Variants in SERPINB10 observed in about 807,000 individuals in gnomAD.
SERPINB10 encodes the protein serpin B10.
Under a neutral mutation model 39.1 loss-of-function variants are expected in SERPINB10, and 35 were observed. The ratio of observed to expected loss-of-function variants is 0.90; its 90% CI spans 0.68 to 1.19. The LOEUF is 1.19. Ranked by LOEUF, SERPINB10 falls within the 50% of genes most tolerant of loss-of-function variation. The pLI is 0.00. For synonymous variants in SERPINB10, 190 were observed against 158.1 expected (o/e 1.20, Z -1.52); for missense variants, 546 against 460.5 (o/e 1.19, Z -1.70).
At chr18:63,927,082 T>G (rs1036472042) in intron 5 of SERPINB10, among the ~76,000 whole-genome samples, 4 of 152,026 alleles carry the variant, frequency 2.6e-5, no homozygotes, top group Non-Finnish European at 5.9e-5. Flanking sequence ...CTTCCTTTTA[T>G]ATAATATCTC....
intron 6 of SERPINB10, among the ~76,000 whole-genome samples, chr18:63,931,455 T>A (rs750139834): frequency 2.6e-5 from 4 of 152,162 alleles, no homozygotes; most frequent in Non-Finnish European, 5.9e-5. Flanking sequence ...ACAGCCCTTG[T>A]CGTATGGCCA....
intron 5 of SERPINB10, among the ~76,000 whole-genome samples, chr18:63,923,460 G>A (rs2050160008): frequency 1.3e-5 from 2 of 151,896 alleles, no homozygotes; most frequent in East Asian, 1.9e-4. Context: ...TCTTCTCCAA[G>A]GTCTTCATTT....
At chr18:63,925,489 T>G (rs2050174948) in intron 5 of SERPINB10, among the ~76,000 whole-genome samples, 1 of 151,972 alleles carries the variant, frequency 6.6e-6, no homozygotes. Context: ...ATGCTCAAAA[T>G]ACTTGGGAAT....
Position 63,935,214 on chromosome 18 carries a change from T to G in SERPINB10, c.1166T>G (p.Leu389Arg). 6.3e-7 allele frequency: 1 copy of G among 1,599,662 alleles called. No homozygotes were observed. Among genetic ancestry groups the G allele is most frequent in the Non-Finnish European group, 8.5e-7 (1 of 1,173,310 alleles). ...FIRHNKTNTILFYGRLCSP is the reference protein window; with the variant it reads ...FIRHNKTNTIRFYGRLCSP ...AGGCACAATAAAACCAACACCATTC[T>G]TTTTTATGGAAGATTATGCTCCCCC... The change falls in exon 8 of 8, where the codon CTT becomes CGT. Residue 389 changes from leucine (L) to arginine (R), a missense_variant. By Grantham distance (102) the Leu-to-Arg change is moderately radical. Coordinates refer to ENST00000238508, the MANE Select transcript of SERPINB10 (RefSeq NM_005024.3).
intron 7 of SERPINB10, among the ~76,000 whole-genome samples, 188 bp from the exon 8 acceptor site, chr18:63,934,650 T>C (rs917263728): frequency 1.3e-5 from 2 of 152,210 alleles, no homozygotes; most frequent in Non-Finnish European, 2.9e-5. Flanking sequence ...GCAATTAATC[T>C]GCAGAAAAAA....
At chr18:63,929,636 C>A (rs1216809342) in intron 5 of SERPINB10, among the ~76,000 whole-genome samples, 1 of 145,284 alleles carries the variant, frequency 6.9e-6, no homozygotes, top group Non-Finnish European at 1.5e-5. Flanking sequence ...GTTGTCCAAC[C>A]TAAATCAGTA....
chr18:63,918,015 T>G lies in SERPINB10; in HGVS notation c.285T>G (p.Leu95=), dbSNP rs773630004. Residue 95 remains leucine, a synonymous_variant, in exon 4 of 8, where the codon CTT becomes CTG. Transcript: ENST00000238508. ...SEEIHSDFQT[L]ISEILKPNDD... is the part of the protein sequence containing the mutation. ...AAATACACTCTGATTTCCAAACACT[T>G]ATCTCAGAAATCCTCAAGCCCAACG... The G allele has an allele frequency of 5.6e-6, 9 of 1,612,058 alleles. No homozygotes were observed. The highest frequency in any genetic ancestry group is 7.6e-6 in the Non-Finnish European group (9 of 1,178,672).
intron 5 of SERPINB10, among the ~76,000 whole-genome samples, chr18:63,926,087 C>T (rs1041231465): frequency 6.6e-6 from 1 of 151,992 alleles, no homozygotes; most frequent in African/African-American, 2.4e-5. Context: ...TATTCTCTCA[C>T]AGTTTTGGGG....
intron 2 of SERPINB10, among the ~76,000 whole-genome samples, chr18:63,916,829 A>T (rs544564588): frequency 4.3e-4 from 66 of 152,012 alleles, no homozygotes; most frequent in Non-Finnish European, 8.8e-4. Flanking sequence ...GGTCAATGCA[A>T]CCGTTGAAGC....
Position 63,924,956 on chromosome 18 carries a change from C to T in SERPINB10, c.490+5051C>T, listed in dbSNP as rs562951601. Among the ~76,000 whole-genome samples, 24 of 151,844 alleles carry T rather than the reference C, an allele frequency of 1.6e-4. No individual in the cohort carries two copies. In the South Asian group the frequency reaches 3.9e-3, roughly 25 times the overall value. On this transcript the variant is annotated intron_variant, in intron 5 of 7. Coordinates refer to ENST00000238508, the MANE Select transcript of SERPINB10 (RefSeq NM_005024.3). ...AAGGTTAAAAAAAGTAAGTATACTT[C>T]GACTATATATTTTAAGGCTGAAAAA...
chr18:63,925,441 C>T lies in SERPINB10; in HGVS notation c.491-4604C>T, dbSNP rs2050174478. Among the ~76,000 whole-genome samples, 3 of 151,836 alleles carry T rather than the reference C, an allele frequency of 2.0e-5. No individual in the cohort carries two copies. In the South Asian group the frequency reaches 6.2e-4, roughly 31 times the overall value. ...TAACAGAGCTGGGACAAGCGAAGTACAAGATAAGGACTTTTTGTGGTGACA... is the reference window on the plus strand; with the variant it reads ...TAACAGAGCTGGGACAAGCGAAGTATAAGATAAGGACTTTTTGTGGTGACA... On this transcript the variant is annotated intron_variant, in intron 5 of 7. Transcript: ENST00000238508.
intron 4 of SERPINB10, among the ~76,000 whole-genome samples, chr18:63,918,585 A>C (rs1211946605): frequency 6.6e-6 from 1 of 151,984 alleles, no homozygotes; most frequent in Non-Finnish European, 1.5e-5. Context: ...AATTTCCTTC[A>C]TTGTCCAACA....
chr18:63,919,653 G>A (rs1036770344), intron 4 of SERPINB10, 135 bp from the exon 5 acceptor site: 3 of 568,784 alleles, frequency 5.3e-6, no homozygotes, highest in African/African-American at 4.0e-5. Context: ...CTGGGAGTCA[G>A]GAAAGAGAGG....
intron 1 of SERPINB10, among the ~76,000 whole-genome samples, chr18:63,914,474 T>G (rs1179994160): frequency 6.6e-6 from 1 of 152,100 alleles, no homozygotes; most frequent in Non-Finnish European, 1.5e-5. Flanking sequence ...AGCACTTGGT[T>G]AAATCGTTTA....
rs183715313 is a variant in SERPINB10, at chr18:63,920,855, G to A, written c.490+950G>A. ...GGAGTTTTCAGCTGGGTTGCCATTTGTCACCTAAATTTCAGGGTTTTATTT... is the reference window on the plus strand; with the variant it reads ...GGAGTTTTCAGCTGGGTTGCCATTTATCACCTAAATTTCAGGGTTTTATTT... On this transcript the variant is annotated intron_variant, in intron 5 of 7. Coordinates refer to ENST00000238508, the MANE Select transcript of SERPINB10 (RefSeq NM_005024.3). 2.0e-5 allele frequency among the ~76,000 whole-genome samples: 3 copies of A among 152,018 alleles called. No homozygotes were observed. The East Asian group carries it at 5.8e-4, about 30-fold the overall frequency.
At chr18:63,912,419 T>G (rs1599073359) in intron 1 of SERPINB10, among the ~76,000 whole-genome samples, 1 of 151,992 alleles carries the variant, frequency 6.6e-6, no homozygotes, top group South Asian at 2.1e-4. Context: ...TGGCTGTGGG[T>G]TTGTTACAGA....
chr18:63,911,196 G>A (rs2050061853), intron 1 of SERPINB10, among the ~76,000 whole-genome samples: 1 of 151,828 alleles, frequency 6.6e-6, no homozygotes, highest in South Asian at 2.1e-4. Context: ...TTTTGTCAGT[G>A]GAATAGTTTG....
rs577279491 is a variant in SERPINB10 at position 63,919,743 on chromosome 18, T to A, written c.373-45T>A. The A allele has an allele frequency of 5.1e-4, 687 of 1,356,120 alleles. 14 individuals carry two copies. In the South Asian group the frequency reaches 7.8e-3, roughly 15 times the overall value. The allele number at this position is 1,356,120 out of a possible 1,614,324, so 84.0% of individuals were successfully genotyped here. Reference sequence around the variant, plus strand: ...ATCTAAATAGATTTGATTTCTCAATTTTGAACAAACTCTACAAAAGGGGAT... The same window carrying A: ...ATCTAAATAGATTTGATTTCTCAATATTGAACAAACTCTACAAAAGGGGAT... On this transcript the variant is annotated intron_variant, in intron 4 of 7. Coordinates refer to ENST00000238508, the MANE Select transcript of SERPINB10 (RefSeq NM_005024.3).
At chr18:63,929,279 T>C (rs954817146) in intron 5 of SERPINB10, among the ~76,000 whole-genome samples, 1 of 152,192 alleles carries the variant, frequency 6.6e-6, no homozygotes, top group East Asian at 1.9e-4. Flanking sequence ...AGTATTTATT[T>C]TATTTTTTTG....
Sources: gnomAD v4.1 joint callset for allele counts (sites outside exome capture counted in the v4.1 genomes callset) on GRCh38, gnomAD v4.1.1 for gene constraint, MANE v1.5 for transcripts, NCBI Gene and HGNC (gene_info 2026-07-23, HGNC 2026-07-21) for gene names.